CYBRD1: variants seen among roughly 807,000 people sequenced by gnomAD.
CYBRD1 encodes the protein plasma membrane ascorbate-dependent reductase CYBRD1.
CYBRD1 carries 14 observed loss-of-function variants against 21.9 expected under a neutral mutation model. The observed-to-expected ratio is 0.64, with a 90% CI of 0.42 to 1.00. The LOEUF (loss-of-function observed/expected upper bound fraction) is 1.00, where lower values mean the gene tolerates loss of function less well. Among genes scored for constraint, CYBRD1 ranks in the 50% least tolerant of loss-of-function variants. The pLI, the probability that CYBRD1 is intolerant of heterozygous loss-of-function variation, is 0.00. For synonymous variants in CYBRD1, 146 were observed against 136.5 expected (o/e 1.07, Z -0.48); for missense variants, 328 against 352.5 (o/e 0.93, Z 0.56).
At position 171,549,595 on chromosome 2, in the gene CYBRD1, C is replaced by A. The variant is rs562014436; in HGVS notation, c.403-3751C>A. ...TAAAAAAACAAAAAATGAAAAAACCCACTGATACTGCCATAATCTAGAGAT... is the reference window on the plus strand; with the variant it reads ...TAAAAAAACAAAAAATGAAAAAACCAACTGATACTGCCATAATCTAGAGAT... On this transcript the variant is annotated intron_variant, in intron 2 of 3. Transcript: ENST00000321348. 1.2e-4 allele frequency among the ~76,000 whole-genome samples: 19 copies of A among 152,244 alleles called. No individual in the cohort carries two copies. The South Asian group carries it at 3.9e-3, about 32-fold the overall frequency.
At chr2:171,523,340 T>A (rs1481424086) in intron 1 of CYBRD1, 4 of 353,118 alleles carry the variant, frequency 1.1e-5, no homozygotes, top group Non-Finnish European at 1.7e-5. Flanking sequence ...GGGGGGCGAG[T>A]GAAGCATCCG....
At chr2:171,536,004 C>T (rs1336625045) in intron 1 of CYBRD1, among the ~76,000 whole-genome samples, 2 of 151,928 alleles carry the variant, frequency 1.3e-5, no homozygotes, top group South Asian at 2.1e-4. Context: ...GTACCTAAAT[C>T]GGAAGGGATG....
At chr2:171,553,903 A>G (rs1683435375) in intron 3 of CYBRD1, among the ~76,000 whole-genome samples, 1 of 152,204 alleles carries the variant, frequency 6.6e-6, no homozygotes, top group African/African-American at 2.4e-5. Context: ...CAAACAAAGC[A>G]AGTAAAGAAT....
intron 1 of CYBRD1, among the ~76,000 whole-genome samples, chr2:171,533,998 A>G (rs1180321791): frequency 6.6e-6 from 1 of 151,684 alleles, no homozygotes. Context: ...GAGCCACCAC[A>G]CCCAGCCGAC....
At chr2:171,542,107 G>A (rs1400708037) in intron 2 of CYBRD1, among the ~76,000 whole-genome samples, 2 of 151,742 alleles carry the variant, frequency 1.3e-5, no homozygotes, top group African/African-American at 2.4e-5. Context: ...CAGGTGATCC[G>A]CCTGCCTCAG....
At chr2:171,522,273 A>G (rs1697315436), upstream of CYBRD1, 7 of 1,549,064 alleles carry the variant, frequency 4.5e-6, no homozygotes, top group African/African-American at 1.4e-5. This position sits in a 1 kb window ranked among gnomAD's most constrained non-coding sequence, Gnocchi z 4.3. Context: ...GCGAGCTTGG[A>G]TGCTGGACGA....
chr2:171,553,854 G>C (rs998990266), intron 3 of CYBRD1, among the ~76,000 whole-genome samples: 1 of 152,092 alleles, frequency 6.6e-6, no homozygotes, highest in Non-Finnish European at 1.5e-5. Context: ...AGGGTGTCCA[G>C]GTTCTTGGCG....
chr2:171,536,528 ACT>A (rs1260641066), intron 1 of CYBRD1, among the ~76,000 whole-genome samples: 5 of 151,176 alleles, frequency 3.3e-5, no homozygotes, highest in Non-Finnish European at 7.4e-5. Flanking sequence ...CTGGTCTCAA[ACT>A]CCTGACTTCA....
In CYBRD1 at chr2:171,556,336, T is replaced by G. The variant is rs1683488280; in HGVS notation, c.*1509T>G. On this transcript the variant is annotated 3_prime_UTR_variant, in exon 4 of 4. Transcript: ENST00000321348. The stretch of plus-strand genomic sequence containing the variant: ...AGGGGATATTTTGAGCTTTGGGTTC[T>G]CAGTAGTGAATTGAGACTTGGAGGT... 6.6e-6 allele frequency: 1 copy of G among 152,172 alleles called. No homozygotes were observed. The allele number at this position is 152,172 out of a possible 1,614,324, so 9.4% of individuals were successfully genotyped here.
In CYBRD1 at chr2:171,554,604, C is replaced by A; in HGVS notation, c.638C>A (p.Ala213Asp). 1 of 1,613,990 alleles carries A rather than the reference C, an allele frequency of 6.2e-7. No homozygotes were observed. The highest frequency in any genetic ancestry group is 8.5e-7 in the Non-Finnish European group (1 of 1,179,958). The stretch of plus-strand genomic sequence containing the variant: ...GGCCTTCTGATCCTGGTGTTCGGGG[C>A]CCTCATTTTTTGGATAGTCACCAGA... ...TLGLLILVFG[A>D]LIFWIVTRPQ... The change falls in exon 4 of 4, where the codon GCC becomes GAC. Residue 213 changes from alanine to aspartate, a missense_variant. Physicochemically the swap from Ala to Asp is moderately radical, Grantham distance 126. Coordinates refer to ENST00000321348, the MANE Select transcript of CYBRD1 (RefSeq NM_024843.4).
chr2:171,523,304 C>T (rs1278471480), intron 1 of CYBRD1: 4 of 426,148 alleles, frequency 9.4e-6, no homozygotes, highest in South Asian at 1.8e-5. Flanking sequence ...GTAACATCCT[C>T]GGCCCTGGGT....
intron 2 of CYBRD1, among the ~76,000 whole-genome samples, chr2:171,544,178 C>T (rs1427296231): frequency 6.6e-6 from 1 of 152,054 alleles, no homozygotes; most frequent in Non-Finnish European, 1.5e-5. Flanking sequence ...CTAAGACACA[C>T]CTGTTTGTGT....
At chr2:171,538,054 A>T (rs970287164) in intron 1 of CYBRD1, among the ~76,000 whole-genome samples, 4 of 152,190 alleles carry the variant, frequency 2.6e-5, no homozygotes, top group African/African-American at 9.7e-5. Flanking sequence ...GGGTGGGCGG[A>T]TCACCTGAGG....
intron 1 of CYBRD1, chr2:171,523,310 TG>T: frequency 2.4e-6 from 1 of 409,506 alleles, no homozygotes; most frequent in Non-Finnish European, 5.0e-6. Context: ...TCCTCGGCCC[TG>T]GGTAAAGGGG....
In CYBRD1 at chr2:171,554,889, C is replaced by T; in HGVS notation, c.*62C>T. 1 of 1,542,492 alleles carries T rather than the reference C, an allele frequency of 6.5e-7. No individual in the cohort carries two copies. The highest frequency in any genetic ancestry group is 8.9e-7 in the Non-Finnish European group (1 of 1,121,028). On this transcript the variant is annotated 3_prime_UTR_variant, in exon 4 of 4. Transcript: ENST00000321348. ...CAAAACTAGCTCTACAGTTTTGCTT[C>T]TCCTATTAGCCATATGATAATTGGG...
intron 1 of CYBRD1, among the ~76,000 whole-genome samples, chr2:171,536,315 G>GT (rs752508453): frequency 3.3e-5 from 5 of 150,062 alleles, no homozygotes; most frequent in African/African-American, 1.2e-4. Flanking sequence ...AATTTTTTGG[G>GT]TTTTTTTGAG....
At position 171,522,882 on chromosome 2, in the gene CYBRD1, C is replaced by A; in HGVS notation, c.193+144C>A. The A allele has an allele frequency of 7.4e-7, 1 of 1,359,072 alleles. No individual in the cohort carries two copies. The highest frequency in any genetic ancestry group is 1.0e-6 in the Non-Finnish European group (1 of 1,002,540). 84.2% of individuals were successfully genotyped at this position (1,359,072 alleles called of 1,614,324 possible). A position where few individuals can be genotyped will look rare whatever the true frequency, so the allele number is the denominator to read the frequency against. Reference sequence around the variant, plus strand: ...AGTGCGGTGAGGAGCGCGCGGGAAGCCAAGTCGGCTGGGCGGGAGGGAGGC... The same window carrying A: ...AGTGCGGTGAGGAGCGCGCGGGAAGACAAGTCGGCTGGGCGGGAGGGAGGC... On this transcript the variant is annotated intron_variant, in intron 1 of 3. Coordinates refer to ENST00000321348, the MANE Select transcript of CYBRD1 (RefSeq NM_024843.4). This position sits in a 1 kb window ranked among gnomAD's most constrained non-coding sequence, Gnocchi z 4.3.
chr2:171,526,794 C>T (rs1697392778), intron 1 of CYBRD1, among the ~76,000 whole-genome samples: 1 of 152,118 alleles, frequency 6.6e-6, no homozygotes, highest in African/African-American at 2.4e-5. Context: ...GTAGAAAATT[C>T]GGGTGTCTAC....
chr2:171,553,248 A>G, intron 2 of CYBRD1, 98 bp from the exon 3 acceptor site: 1 of 1,412,648 alleles, frequency 7.1e-7, no homozygotes, highest in Non-Finnish European at 9.8e-7. Context: ...GTTCTATATG[A>G]AAGGTTTTGT....
Sources: gnomAD v4.1 joint callset for allele counts (sites outside exome capture counted in the v4.1 genomes callset) on GRCh38, gnomAD v4.1.1 for gene constraint, Gnocchi (gnomAD v3.1) non-coding constraint, MANE v1.5 for transcripts, NCBI Gene and HGNC (gene_info 2026-07-23, HGNC 2026-07-21) for gene names.